The following NCOA1 variants were observed in gnomAD, a reference collection of about 807,000 sequenced individuals.
NCOA1 encodes the protein Hin-2 protein.
Under a neutral mutation model 150.9 loss-of-function variants are expected in NCOA1, and 35 were observed. The observed-to-expected ratio is 0.23, with a 90% CI of 0.18 to 0.31. The LOEUF is 0.31. Among genes scored for constraint, NCOA1 ranks in the 10% least tolerant of loss-of-function variants. NCOA1 has a pLI of 1.00. For missense variants in NCOA1, 1,491 were observed against 1,749.3 expected, an observed-to-expected ratio of 0.85 and a Z score of 2.63; for synonymous variants, 590 against 630.0, an observed-to-expected ratio of 0.94 and a Z score of 0.95.
intron 14 of NCOA1, among the ~76,000 whole-genome samples, chr2:24,722,492 C>T (rs1317708752): frequency 6.6e-6 from 1 of 152,068 alleles, no homozygotes; most frequent in African/African-American, 2.4e-5. Context: ...AAGAATAATG[C>T]TGTTTTTTTT....
chr2:24,507,003 G>T lies in NCOA1; in HGVS notation c.-396+15401G>T, dbSNP rs112904115. 5.3e-3 allele frequency among the ~76,000 whole-genome samples: 802 copies of T among 152,300 alleles called. 11 individuals carry two copies. The highest frequency in any genetic ancestry group is 0.019 in the African/African-American group (774 of 41,554). On this transcript the variant is annotated intron_variant, in intron 1 of 22. Transcript: ENST00000348332. ...TTAGCACTTCTCTTGTAGAATTCTT[G>T]TGAGGGTATTATCTCCTTTATCTCA...
At chr2:24,665,410 TATAAA>T (rs1159053801) in intron 5 of NCOA1, among the ~76,000 whole-genome samples, 1 of 152,250 alleles carries the variant, frequency 6.6e-6, no homozygotes, top group Non-Finnish European at 1.5e-5. Flanking sequence ...TTATTCATAA[TATAAA>T]GTAGTTCCAA....
chr2:24,733,300 T>C (rs1210866111), intron 17 of NCOA1, among the ~76,000 whole-genome samples: 1 of 152,188 alleles, frequency 6.6e-6, no homozygotes, highest in Non-Finnish European at 1.5e-5. Flanking sequence ...GTTGTATTTT[T>C]TGTGTCTGTG....
At chr2:24,566,296 C>A (rs1666502101) in intron 2 of NCOA1, among the ~76,000 whole-genome samples, 1 of 151,902 alleles carries the variant, frequency 6.6e-6, no homozygotes, top group African/African-American at 2.4e-5. Flanking sequence ...GAGTGGGTAG[C>A]TCCTCTCCGC....
chr2:24,762,434 A>C (rs1402054353), intron 21 of NCOA1, among the ~76,000 whole-genome samples: 2 of 152,228 alleles, frequency 1.3e-5, no homozygotes, highest in African/African-American at 4.8e-5. Flanking sequence ...AAGTGAACAC[A>C]CCTGAGTACC....
chr2:24,722,341 A>G (rs1478648484), intron 14 of NCOA1, among the ~76,000 whole-genome samples: 7 of 152,178 alleles, frequency 4.6e-5, no homozygotes, highest in African/African-American at 1.7e-4. Context: ...TGTTGATCAG[A>G]ATGTGTACAG....
Position 24,739,414 on chromosome 2 carries a change from G to T in NCOA1, c.3202-18G>T. Reference sequence around the variant, plus strand: ...CTTGTGTGTAGAAATATATCTTATTGTTTCCATTTTTCTCTAGTTGATACA... The same window carrying T: ...CTTGTGTGTAGAAATATATCTTATTTTTTCCATTTTTCTCTAGTTGATACA... On this transcript the variant is annotated intron_variant, in intron 17 of 22. Coordinates refer to ENST00000348332, the MANE Select transcript of NCOA1 (RefSeq NM_003743.5). The T allele has an allele frequency of 6.5e-7, 1 of 1,548,870 alleles. No homozygotes were observed.
intron 1 of NCOA1, among the ~76,000 whole-genome samples, chr2:24,510,954 C>G (rs894924216): frequency 3.9e-5 from 6 of 152,190 alleles, no homozygotes; most frequent in Admixed American, 6.5e-5. Flanking sequence ...TAATATCAAA[C>G]TTTTGTTTCC....
intron 1 of NCOA1, among the ~76,000 whole-genome samples, chr2:24,497,525 A>T (rs1663276991): frequency 6.6e-6 from 1 of 152,180 alleles, no homozygotes; most frequent in African/African-American, 2.4e-5. Flanking sequence ...TACAAAAAAT[A>T]GCCGGGTGTG....
At chr2:24,599,840 C>T (rs571882947) in intron 3 of NCOA1, among the ~76,000 whole-genome samples, 9 of 150,326 alleles carry the variant, frequency 6.0e-5, no homozygotes, top group Non-Finnish European at 7.4e-5. Context: ...AAGCGATTCT[C>T]GTGCCTCAGC....
rs150099374 is a variant in NCOA1, at chr2:24,596,988, T to G, written c.-175+12428T>G. Among the ~76,000 whole-genome samples the G allele has an allele frequency of 2.0e-3, 299 of 152,300 alleles. 1 individual carries two copies. The highest frequency in any genetic ancestry group is 0.01 in the Middle Eastern group (3 of 294). On this transcript the variant is annotated intron_variant, in intron 3 of 22. Coordinates refer to ENST00000348332, the MANE Select transcript of NCOA1 (RefSeq NM_003743.5). Reference sequence around the variant, plus strand: ...CAGTTCAGCTCATGTAAAGAAATCATCCAAAAGGAATATTAACAATGTAAT... The same window carrying G: ...CAGTTCAGCTCATGTAAAGAAATCAGCCAAAAGGAATATTAACAATGTAAT...
rs1662951064 is a variant in NCOA1, at chr2:24,491,493, GA to G, written c.-504del. ...ACCCCTGCTCCGGAGGAGGGGGCCG[GA>G]GAGCCGCGGCGCCGGGCCCGAGGAG... On this transcript the variant is annotated 5_prime_UTR_variant, in exon 1 of 23. Coordinates refer to ENST00000348332, the MANE Select transcript of NCOA1 (RefSeq NM_003743.5). Among the ~76,000 whole-genome samples the G allele has an allele frequency of 2.4e-3, 1 of 412 alleles. No individual in the cohort carries two copies. The highest frequency in any genetic ancestry group is 6.3e-3 in the Non-Finnish European group (1 of 160). 0.3% of individuals were successfully genotyped at this position (412 alleles called of 152,430 possible).
At chr2:24,550,005 C>T (rs975573212) in intron 1 of NCOA1, among the ~76,000 whole-genome samples, 2 of 152,188 alleles carry the variant, frequency 1.3e-5, no homozygotes, top group African/African-American at 2.4e-5. Context: ...ACCTCCAGGG[C>T]AGGGGCAACA....
chr2:24,530,639 C>T (rs899906732), intron 1 of NCOA1, among the ~76,000 whole-genome samples: 1 of 152,146 alleles, frequency 6.6e-6, no homozygotes, highest in Non-Finnish European at 1.5e-5. Flanking sequence ...GCCTCATGCC[C>T]ACTTCATTTG....
intron 3 of NCOA1, among the ~76,000 whole-genome samples, chr2:24,610,226 C>T (rs189524958): frequency 7.4e-5 from 11 of 148,762 alleles, no homozygotes; most frequent in Admixed American, 2.7e-4. Context: ...CCGGTTCAAG[C>T]GATTCTCCTG....
At chr2:24,666,058 C>T in intron 6 of NCOA1, 143 bp downstream of exon 6, 2 of 432,446 alleles carry the variant, frequency 4.6e-6, no homozygotes, top group Non-Finnish European at 6.4e-6. Context: ...GTCGCCCAGG[C>T]TGGAGTGCAG....
Position 24,619,133 on chromosome 2 carries a change from T to C in NCOA1, c.-174-24833T>C, listed in dbSNP as rs1477528742. Among the ~76,000 whole-genome samples, 5 of 152,216 alleles carry C rather than the reference T, an allele frequency of 3.3e-5. No individual in the cohort carries two copies. The South Asian group carries it at 1.0e-3, about 32-fold the overall frequency. On this transcript the variant is annotated intron_variant, in intron 3 of 22. Transcript: ENST00000348332. ...AGGACGTTTCATAGTTTCTTTCACC[T>C]TGTTAGTTGTTTAATTGCTTCTATT...
chr2:24,501,407 C>T (rs1663454467), intron 1 of NCOA1, among the ~76,000 whole-genome samples: 1 of 152,090 alleles, frequency 6.6e-6, no homozygotes, highest in African/African-American at 2.4e-5. Context: ...ACATTGCTGT[C>T]ACCAAAAGTA....
Position 24,742,078 on chromosome 2 carries a change from A to G in NCOA1, c.3598A>G (p.Asn1200Asp), listed in dbSNP as rs774424804. ...LAANPEASLA[N>D]RNSMVSRGMT... ...AGCAAATCCTGAAGCATCCTTGGCC[A>G]ACCGCAACAGCATGGTGAGCAGAGG... is the stretch of plus-strand genomic sequence containing the variant. Residue 1200 changes from asparagine to aspartate, a missense_variant, in exon 19 of 23, where the codon AAC becomes GAC. Asn to Asp is a conservative substitution (Grantham distance 23). Around this residue, in one of 8 missense-constraint regions of NCOA1, gnomAD observed 485 missense variants for 522.8 expected, o/e 0.93. Coordinates refer to ENST00000348332, the MANE Select transcript of NCOA1 (RefSeq NM_003743.5). 12 of 1,614,102 alleles carry G rather than the reference A, an allele frequency of 7.4e-6. No individual in the cohort carries two copies. The South Asian group carries it at 1.3e-4, about 18-fold the overall frequency.
Sources: gnomAD v4.1 joint callset for allele counts (sites outside exome capture counted in the v4.1 genomes callset) on GRCh38, gnomAD v4.1.1 for gene constraint, gnomAD v4.1.1 regional missense constraint, MANE v1.5 for transcripts, NCBI Gene and HGNC (gene_info 2026-07-23, HGNC 2026-07-21) for gene names.